Variants in PCSK2 observed in about 807,000 individuals in gnomAD.
The protein encoded by PCSK2 is proprotein convertase subtilisin/kexin type 2.
In PCSK2, 14 loss-of-function variants were observed where a neutral mutation model predicts 69.7. The observed-to-expected ratio is 0.20, with a 90% CI of 0.13 to 0.31. PCSK2 has a LOEUF of 0.31. Ranked by LOEUF, PCSK2 falls within the 10% of genes least tolerant of loss-of-function variation. The probability of loss-of-function intolerance (pLI) is 1.00; values close to 1 mark genes in which losing one functional copy is unlikely to be tolerated. For missense variants in PCSK2, 544 were observed against 842.5 expected (o/e 0.65, Z 4.39); for synonymous variants, 307 against 320.7 (o/e 0.96, Z 0.46).
At chr20:17,366,256 G>A (rs1308655516) in intron 4 of PCSK2, among the ~76,000 whole-genome samples, 1 of 152,224 alleles carries the variant, frequency 6.6e-6, no homozygotes, top group Non-Finnish European at 1.5e-5. Context: ...ACCGCTTCCT[G>A]AGAATTGGGA....
intron 6 of PCSK2, among the ~76,000 whole-genome samples, chr20:17,424,784 C>T (rs2032209019): frequency 6.6e-6 from 1 of 151,494 alleles, no homozygotes; most frequent in African/African-American, 2.4e-5. Context: ...AGCCACAGCG[C>T]CCAGCCTTTT....
intron 6 of PCSK2, among the ~76,000 whole-genome samples, chr20:17,425,395 T>C (rs1306390848): frequency 6.6e-6 from 1 of 152,134 alleles, no homozygotes; most frequent in Admixed American, 6.5e-5. Context: ...ATTCGACCAC[T>C]AGACAAGGCA....
chr20:17,322,292 T>C (rs963530329), intron 2 of PCSK2, among the ~76,000 whole-genome samples: 6 of 152,064 alleles, frequency 3.9e-5, no homozygotes, highest in Admixed American at 2.6e-4. Flanking sequence ...TTGGTAAGCA[T>C]ATGGAGGTAA....
At chr20:17,405,392 T>C (rs2031730089) in intron 5 of PCSK2, among the ~76,000 whole-genome samples, 1 of 152,038 alleles carries the variant, frequency 6.6e-6, no homozygotes, top group Non-Finnish European at 1.5e-5. Context: ...CCAGGTGCAA[T>C]CTCAGGAGCC....
At chr20:17,284,936 C>A (rs796733407) in intron 2 of PCSK2, among the ~76,000 whole-genome samples, 10 of 152,288 alleles carry the variant, frequency 6.6e-5, no homozygotes, top group African/African-American at 1.9e-4. Flanking sequence ...AACTGGTTGG[C>A]AACAACTGTT....
intron 10 of PCSK2, among the ~76,000 whole-genome samples, chr20:17,460,778 T>C (rs1468871559): frequency 1.3e-5 from 2 of 152,244 alleles, no homozygotes; most frequent in Non-Finnish European, 2.9e-5. Context: ...ACTTAGGAAA[T>C]AGTAATCTAA....
intron 11 of PCSK2, among the ~76,000 whole-genome samples, 173 bp from the exon 12 acceptor site, chr20:17,481,411 A>T (rs2023235): frequency 9.2e-6 from 1 of 108,418 alleles, no homozygotes; most frequent in Non-Finnish European, 1.7e-5. Context: ...AAAAAAAAAA[A>T]AAAGAGATAA....
At chr20:17,391,554 C>T (rs2031374144) in intron 5 of PCSK2, among the ~76,000 whole-genome samples, 1 of 152,120 alleles carries the variant, frequency 6.6e-6, no homozygotes, top group Non-Finnish European at 1.5e-5. Flanking sequence ...GCCCACCAAG[C>T]TTCAACTTAA....
chr20:17,260,356 C>A lies in PCSK2; in HGVS notation c.282+12C>A, dbSNP rs1265418270. 1.1e-5 allele frequency: 17 copies of A among 1,566,356 alleles called. No homozygotes were observed. Among genetic ancestry groups the A allele is most frequent in the Non-Finnish European group, 1.4e-5 (16 of 1,136,604 alleles). On this transcript the variant is annotated intron_variant, in intron 2 of 11. Coordinates refer to ENST00000262545, the MANE Select transcript of PCSK2 (RefSeq NM_002594.5). ...AGAGAGACCCCAGGGTGAGTTTTCC[C>A]CAGAAACCTGCCTCCCAATCTCTGC...
chr20:17,277,077 A>G (rs1237472002), intron 2 of PCSK2, among the ~76,000 whole-genome samples: 2 of 152,256 alleles, frequency 1.3e-5, no homozygotes, highest in Admixed American at 1.3e-4. Flanking sequence ...GAGGATACAA[A>G]CAAATGGAAG....
chr20:17,301,374 TA>T lies in PCSK2; in HGVS notation c.282+41034del, dbSNP rs1989077732. On this transcript the variant is annotated intron_variant, in intron 2 of 11. Transcript: ENST00000262545. ...CAAAGGCCCCTTGGAGGAGTTAGGA[TA>T]AAATAGTGTCAAGAACTGTGAGAGT... is the stretch of plus-strand genomic sequence containing the variant. Among the ~76,000 whole-genome samples, 7 of 152,268 alleles carry T rather than the reference TA, an allele frequency of 4.6e-5. No homozygotes were observed. The South Asian group carries it at 1.4e-3, about 32-fold the overall frequency.
chr20:17,325,882 G>A (rs1990034563), intron 2 of PCSK2, among the ~76,000 whole-genome samples: 1 of 152,126 alleles, frequency 6.6e-6, no homozygotes, highest in Non-Finnish European at 1.5e-5. Context: ...AGCCACCAGT[G>A]GGCTAACCCA....
intron 8 of PCSK2, among the ~76,000 whole-genome samples, chr20:17,450,017 C>CTTTTTTTTTTTTTTTTTTTTTTTTT (rs61156656): frequency 9.7e-5 from 6 of 61,834 alleles, no homozygotes; most frequent in Non-Finnish European, 1.7e-4. Flanking sequence ...AATTTCTTCC[C>CTTTTTTTTTTTTTTTTTTTTTTTTT]TTTTTTTTTT....
rs146239475 is a variant in PCSK2 at position 17,369,259 on chromosome 20, G to A, written c.525G>A (p.Pro175=). ...TCACAGGGATTGACTATCTCCACCC[G>A]GACCTGGCCTCCAACTATGTAAGTA... ...IMDDGIDYLH[P]DLASNYNAEA... is the part of the protein sequence containing the mutation. The change falls in exon 5 of 12, where the codon CCG becomes CCA. Residue 175 remains proline (P), a synonymous_variant. Coordinates refer to ENST00000262545, the MANE Select transcript of PCSK2 (RefSeq NM_002594.5). 2.5e-4 allele frequency: 396 copies of A among 1,613,886 alleles called. 2 individuals carry two copies. In the Middle Eastern group the frequency reaches 3.6e-3, roughly 15 times the overall value.
intron 1 of PCSK2, among the ~76,000 whole-genome samples, chr20:17,240,818 C>T (rs947634969): frequency 1.3e-5 from 2 of 152,146 alleles, no homozygotes; most frequent in Non-Finnish European, 2.9e-5. Context: ...GTGTTTGTGG[C>T]TAATCCCTCA....
intron 2 of PCSK2, among the ~76,000 whole-genome samples, chr20:17,310,341 C>T (rs947317740): frequency 2.0e-5 from 3 of 151,912 alleles, no homozygotes; most frequent in Admixed American, 1.3e-4. Context: ...GTTGCTATCA[C>T]GAGGTTAAAA....
At chr20:17,230,403 C>T (rs948153614) in intron 1 of PCSK2, among the ~76,000 whole-genome samples, 3 of 152,142 alleles carry the variant, frequency 2.0e-5, no homozygotes, top group African/African-American at 7.2e-5. Flanking sequence ...CAGATGAAAA[C>T]CTTAAGGCCT....
intron 2 of PCSK2, among the ~76,000 whole-genome samples, chr20:17,282,025 C>T (rs1267541977): frequency 6.6e-6 from 1 of 152,122 alleles, no homozygotes; most frequent in Non-Finnish European, 1.5e-5. Context: ...ACAGTTCTCT[C>T]CTACCCTGGA....
At chr20:17,234,788 A>G (rs975616525) in intron 1 of PCSK2, among the ~76,000 whole-genome samples, 1 of 152,208 alleles carries the variant, frequency 6.6e-6, no homozygotes, top group African/African-American at 2.4e-5. Flanking sequence ...CAATAATTAT[A>G]TATTCCACTC....
Sources: gnomAD v4.1 joint callset for allele counts (sites outside exome capture counted in the v4.1 genomes callset) on GRCh38, gnomAD v4.1.1 for gene constraint, MANE v1.5 for transcripts, NCBI Gene and HGNC (gene_info 2026-07-23, HGNC 2026-07-21) for gene names.